The following WNT7A variants were observed in gnomAD, a reference collection of about 807,000 sequenced individuals.
The protein encoded by WNT7A is Wnt family member 7A, also known as protein Wnt-7a.
Under a neutral mutation model 28.2 loss-of-function variants are expected in WNT7A, and 16 were observed. The ratio of observed to expected loss-of-function variants is 0.57; its 90% CI spans 0.38 to 0.86. The LOEUF (loss-of-function observed/expected upper bound fraction) is 0.86. WNT7A is among the 40% of genes least tolerant of loss of function. WNT7A has a pLI of 0.00. For synonymous variants in WNT7A, 190 were observed against 195.9 expected, an observed-to-expected ratio of 0.97 and a Z score of 0.25; for missense variants, 411 against 489.7, an observed-to-expected ratio of 0.84 and a Z score of 1.52.
At chr3:13,832,845 C>G (rs1694303515) in intron 3 of WNT7A, among the ~76,000 whole-genome samples, 1 of 152,052 alleles carries the variant, frequency 6.6e-6, no homozygotes, top group South Asian at 2.1e-4. Context: ...CCACTCAAGC[C>G]AGAGAGAGGT....
In WNT7A at chr3:13,861,075, C is replaced by T. The variant is rs1192376941; in HGVS notation, c.299-6272G>A. 2.6e-5 allele frequency among the ~76,000 whole-genome samples: 4 copies of T among 152,206 alleles called. 1 individual carries two copies. Among genetic ancestry groups the T allele is most frequent in the South Asian group, 4.1e-4 (2 of 4,828 alleles). ...GATACAACCTGTAAGGACTCAAACT[C>T]GTACAGCTGGCCCCAGAGTTTGACC... On this transcript the variant is annotated intron_variant, in intron 2 of 3. Coordinates refer to ENST00000285018, the MANE Select transcript of WNT7A (RefSeq NM_004625.4).
chr3:13,875,065 G>A lies in WNT7A; in HGVS notation c.180C>T (p.Ile60=), dbSNP rs369816656. The change falls in exon 2 of 4, where the codon ATC becomes ATT. Residue 60 remains isoleucine, a synonymous_variant. Coordinates refer to ENST00000285018, the MANE Select transcript of WNT7A (RefSeq NM_004625.4). ...CCATTTGTGAGCCTTCTCCTATGACGATGATGGCGTCGGGCCGGCTCTGGC... is the reference window on the plus strand; with the variant it reads ...CCATTTGTGAGCCTTCTCCTATGACAATGATGGCGTCGGGCCGGCTCTGGC... ...AICQSRPDAI[I]VIGEGSQMGL... 2.7e-5 allele frequency: 43 copies of A among 1,614,122 alleles called. No homozygotes were observed. The highest frequency in any genetic ancestry group is 3.6e-5 in the Non-Finnish European group (42 of 1,180,048).
intron 3 of WNT7A, among the ~76,000 whole-genome samples, chr3:13,822,321 A>G (rs1365964234): frequency 6.6e-6 from 1 of 152,272 alleles, no homozygotes; most frequent in Admixed American, 6.5e-5. Flanking sequence ...AGTGAGCGGA[A>G]TAACTCCCTC....
chr3:13,833,431 C>A (rs1694314481), intron 3 of WNT7A, among the ~76,000 whole-genome samples: 1 of 152,158 alleles, frequency 6.6e-6, no homozygotes, highest in African/African-American at 2.4e-5. Flanking sequence ...GCAGATGGAC[C>A]CACTGCACAC....
At chr3:13,820,902 T>G (rs6795093) in intron 3 of WNT7A, among the ~76,000 whole-genome samples, 71,368 of 151,942 alleles carry the variant, frequency 0.47, 17,035 homozygotes, top group East Asian at 0.74. Flanking sequence ...ACTGGCTGGT[T>G]GAAGGCTCTG....
intron 3 of WNT7A, among the ~76,000 whole-genome samples, chr3:13,831,926 C>A (rs781651973): frequency 1.3e-5 from 2 of 152,068 alleles, no homozygotes; most frequent in African/African-American, 4.8e-5. Flanking sequence ...AACCAGGGAC[C>A]CTTTCCAAGG....
At chr3:13,876,194 G>C (rs1264231789) in intron 1 of WNT7A, among the ~76,000 whole-genome samples, 3 of 152,220 alleles carry the variant, frequency 2.0e-5, no homozygotes, top group Non-Finnish European at 4.4e-5. Flanking sequence ...CTGGAGAAGG[G>C]TATTCTATGC....
chr3:13,852,656 C>T (rs1434892583), intron 3 of WNT7A, among the ~76,000 whole-genome samples: 1 of 152,168 alleles, frequency 6.6e-6, no homozygotes, highest in Non-Finnish European at 1.5e-5. Context: ...AAGTGAGGGA[C>T]TGGCCACTTG....
At chr3:13,828,807 G>A (rs1694236612) in intron 3 of WNT7A, among the ~76,000 whole-genome samples, 1 of 152,204 alleles carries the variant, frequency 6.6e-6, no homozygotes, top group African/African-American at 2.4e-5. Flanking sequence ...AGTGACCTGG[G>A]CAACCAGAAT....
At chr3:13,826,716 A>C (rs1019743579) in intron 3 of WNT7A, among the ~76,000 whole-genome samples, 2 of 152,220 alleles carry the variant, frequency 1.3e-5, no homozygotes, top group East Asian at 3.8e-4. Context: ...ACAGTGGCTG[A>C]AACCAGCCAG....
intron 2 of WNT7A, among the ~76,000 whole-genome samples, chr3:13,857,940 G>A (rs1165715416): frequency 6.6e-6 from 1 of 152,156 alleles, no homozygotes; most frequent in African/African-American, 2.4e-5. Flanking sequence ...TTGGCATGAG[G>A]AAGTGGCCCC....
At chr3:13,856,215 T>C (rs1221329840) in intron 2 of WNT7A, among the ~76,000 whole-genome samples, 1 of 152,230 alleles carries the variant, frequency 6.6e-6, no homozygotes, top group African/African-American at 2.4e-5. Flanking sequence ...TCAGAATGCT[T>C]GGGCTCAAGT....
chr3:13,818,229 A>G lies in WNT7A; in HGVS notation c.*715T>C, dbSNP rs565370829. 4 of 152,172 alleles carry G rather than the reference A, an allele frequency of 2.6e-5. No homozygotes were observed. In the South Asian group the frequency reaches 8.3e-4, roughly 32 times the overall value. 9.4% of individuals were successfully genotyped at this position (152,172 alleles called of 1,614,324 possible). On this transcript the variant is annotated 3_prime_UTR_variant, in exon 4 of 4. Coordinates refer to ENST00000285018, the MANE Select transcript of WNT7A (RefSeq NM_004625.4). ...TTATTTTTCCTCTCTATTTATTCCA[A>G]ACTGGATTTTTCTAATGGTGAAGTT...
chr3:13,847,291 T>G (rs369628338), intron 3 of WNT7A, among the ~76,000 whole-genome samples: 2 of 152,184 alleles, frequency 1.3e-5, no homozygotes, highest in African/African-American at 4.8e-5. Context: ...AAGCCCACCA[T>G]GGACCTCCTG....
chr3:13,866,205 A>T (rs757759918), intron 2 of WNT7A, among the ~76,000 whole-genome samples: 6 of 152,172 alleles, frequency 3.9e-5, no homozygotes, highest in Non-Finnish European at 7.4e-5. Flanking sequence ...TGTGCCCTCC[A>T]TGTGCCAGGC....
intron 2 of WNT7A, among the ~76,000 whole-genome samples, chr3:13,857,602 C>T (rs903651225): frequency 1.3e-5 from 2 of 152,230 alleles, no homozygotes; most frequent in African/African-American, 4.8e-5. Flanking sequence ...GGCTCCAAGG[C>T]AAGTGGGAAG....
intron 3 of WNT7A, among the ~76,000 whole-genome samples, chr3:13,827,594 A>G (rs1369608872): frequency 6.6e-6 from 1 of 152,100 alleles, no homozygotes; most frequent in Non-Finnish European, 1.5e-5. Context: ...GGCCTGTCCC[A>G]GACCCTCGGG....
At chr3:13,848,768 C>T (rs200862609) in intron 3 of WNT7A, among the ~76,000 whole-genome samples, 3,267 of 152,194 alleles carry the variant, frequency 0.021, 152 homozygotes, top group South Asian at 0.18. Context: ...CTTACATTCA[C>T]ACACACAAAA....
intron 2 of WNT7A, among the ~76,000 whole-genome samples, chr3:13,859,978 C>T (rs1694802108): frequency 1.3e-5 from 2 of 152,174 alleles, no homozygotes; most frequent in South Asian, 4.1e-4. Context: ...AACTCCAGCC[C>T]CTTATAGCCC....
Sources: gnomAD v4.1 joint callset for allele counts (sites outside exome capture counted in the v4.1 genomes callset) on GRCh38, gnomAD v4.1.1 for gene constraint, MANE v1.5 for transcripts, NCBI Gene and HGNC (gene_info 2026-07-23, HGNC 2026-07-21) for gene names.